Variants in SMARCD3 observed in about 807,000 individuals in gnomAD.
SMARCD3 encodes SWI/SNF related BAF chromatin remodeling complex subunit D3, also known as SWI/SNF-related matrix-associated actin-dependent regulator of chromatin subfamily D member 3.
In SMARCD3, 14 loss-of-function variants were observed where a neutral mutation model predicts 58.0. The observed-to-expected ratio is 0.24, with a 90% CI of 0.16 to 0.38. The LOEUF is 0.38. Among genes scored for constraint, SMARCD3 ranks in the 10% least tolerant of loss-of-function variants. The probability of loss-of-function intolerance (pLI) is 1.00; values close to 1 mark genes in which losing one functional copy is unlikely to be tolerated. For synonymous variants in SMARCD3, 253 were observed against 253.8 expected (o/e 1.00, Z 0.03); for missense variants, 408 against 636.9 (o/e 0.64, Z 3.87).
At chr7:151,249,531 G>T (rs1362067350), upstream of SMARCD3, 1 of 152,194 alleles carries the variant, frequency 6.6e-6, no homozygotes, top group Non-Finnish European at 1.5e-5. The surrounding 1 kb of genome is among the most constrained non-coding windows in gnomAD (Gnocchi z 4.8). Context: ...CAGAAAGAGG[G>T]ACAGGGATTG....
At chr7:151,249,161 C>G (rs952942394), upstream of SMARCD3, among the ~76,000 whole-genome samples, 1 of 151,968 alleles carries the variant, frequency 6.6e-6, no homozygotes, top group East Asian at 1.9e-4. This position sits in a 1 kb window ranked among gnomAD's most constrained non-coding sequence, Gnocchi z 4.8. Context: ...CCTGGCAGGC[C>G]GAGCAGGGAA....
Position 151,245,621 on chromosome 7 carries a change from C to T in SMARCD3, c.129G>A (p.Met43Ile). The T allele has an allele frequency of 8.4e-7, 1 of 1,186,236 alleles. No homozygotes were observed. Among genetic ancestry groups the T allele is most frequent in the Non-Finnish European group, 1.1e-6 (1 of 947,036 alleles). 73.5% of individuals were successfully genotyped at this position (1,186,236 alleles called of 1,614,324 possible). A position where few individuals can be genotyped will look rare whatever the true frequency, so the allele number is the denominator to read the frequency against. Residue 43 changes from methionine to isoleucine, a missense_variant, in exon 2 of 13, where the codon ATG (methionine) becomes ATA (isoleucine). By Grantham distance (10) the Met-to-Ile change is conservative (BLOSUM62 1). Coordinates refer to ENST00000262188, the MANE Select transcript of SMARCD3 (RefSeq NM_001003801.2). The surrounding 1 kb of genome is among the most constrained non-coding windows in gnomAD (Gnocchi z 6.2). Reference sequence around the variant, plus strand: ...CCATGTACGGGGAGCCCGGGGGGCCCATGGGCGCCCCCTGGTGGGGCATCC... The same window carrying T: ...CCATGTACGGGGAGCCCGGGGGGCCTATGGGCGCCCCCTGGTGGGGCATCC... ...GARMPHQGAP[M>I]GPPGSPYMGS...
At chr7:151,259,384 A>C (rs73480561) in intron 2 of SMARCD3, among the ~76,000 whole-genome samples, 4,604 of 122,650 alleles carry the variant, frequency 0.038, 257 homozygotes, top group African/African-American at 0.15. Flanking sequence ...AGCTCCAAAA[A>C]GGTAGGGGCT....
chr7:151,249,154 G>A (rs1803421185), upstream of SMARCD3, among the ~76,000 whole-genome samples: 3 of 152,128 alleles, frequency 2.0e-5, no homozygotes, highest in Admixed American at 2.0e-4. This position sits in a 1 kb window ranked among gnomAD's most constrained non-coding sequence, Gnocchi z 4.8. Flanking sequence ...CCAGAGACCT[G>A]GCAGGCCGAG....
chr7:151,260,947 G>A (rs1026652808), intron 2 of SMARCD3, among the ~76,000 whole-genome samples: 1 of 152,216 alleles, frequency 6.6e-6, no homozygotes, highest in Non-Finnish European at 1.5e-5. Flanking sequence ...GCATCTTGCC[G>A]TCCCCACACA....
In SMARCD3 at chr7:151,240,413, G is replaced by A; in HGVS notation, c.1037+12C>T. 6.2e-7 allele frequency: 1 copy of A among 1,610,118 alleles called. No homozygotes were observed. The highest frequency in any genetic ancestry group is 8.5e-7 in the Non-Finnish European group (1 of 1,176,806). ...ATTCCCTGGTCTGAGAAGCAAGCTG[G>A]GGCCACCTCACCTGATGACATGGTT... On this transcript the variant is annotated intron_variant, in intron 9 of 12. Transcript: ENST00000262188.
At position 151,248,443 on chromosome 7, in the gene SMARCD3, G is replaced by GC. The variant is rs1212002917; in HGVS notation, c.78+41dup. ...CCGATCAGCCCTCCATTCAGCCCGA[G>GC]CCAGCTCGCTTGCCCTCCCCCGCTA... On this transcript the variant is annotated intron_variant, in intron 1 of 12. Coordinates refer to ENST00000262188, the MANE Select transcript of SMARCD3 (RefSeq NM_001003801.2). This position sits in a 1 kb window ranked among gnomAD's most constrained non-coding sequence, Gnocchi z 6.1. 2 of 1,546,016 alleles carry GC rather than the reference G, an allele frequency of 1.3e-6. No homozygotes were observed. Among genetic ancestry groups the GC allele is most frequent in the African/African-American group, 2.7e-5 (2 of 73,512 alleles).
chr7:151,247,946 C>A (rs1320948279), intron 1 of SMARCD3, among the ~76,000 whole-genome samples: 2 of 152,196 alleles, frequency 1.3e-5, no homozygotes. Flanking sequence ...TCCTCTCCCC[C>A]ACCCTAAGGC....
At position 151,243,516 on chromosome 7, in the gene SMARCD3, G is replaced by T; in HGVS notation, c.333+143C>A. 3.0e-6 allele frequency: 2 copies of T among 660,440 alleles called. No homozygotes were observed. Among genetic ancestry groups the T allele is most frequent in the Non-Finnish European group, 5.5e-6 (2 of 364,692 alleles). The allele number at this position is 660,440 out of a possible 1,614,324, so 40.9% of individuals were successfully genotyped here. A position where few individuals can be genotyped will look rare whatever the true frequency, so the allele number is the denominator to read the frequency against. ...CCACCTCACCCCCTCCCTCTGGCCTGCGGAGCCTCACTTATTAATGAGCTT... is the reference window on the plus strand; with the variant it reads ...CCACCTCACCCCCTCCCTCTGGCCTTCGGAGCCTCACTTATTAATGAGCTT... On this transcript the variant is annotated intron_variant, in intron 3 of 12. Coordinates refer to ENST00000262188, the MANE Select transcript of SMARCD3 (RefSeq NM_001003801.2). This position sits in a 1 kb window ranked among gnomAD's most constrained non-coding sequence, Gnocchi z 4.4.
Position 151,241,514 on chromosome 7 carries a change from T to C in SMARCD3, c.917A>G (p.Asn306Ser). 2 of 1,612,534 alleles carry C rather than the reference T, an allele frequency of 1.2e-6. No homozygotes were observed. Among genetic ancestry groups the C allele is most frequent in the Non-Finnish European group, 1.7e-6 (2 of 1,179,404 alleles). Residue 306 changes from asparagine (N) to serine (S), a missense_variant, in exon 8 of 13, where the codon AAT (asparagine) becomes AGT (serine). By Grantham distance (46) the Asn-to-Ser change is conservative. Around this residue, in one of 4 missense-constraint regions of SMARCD3, gnomAD observed 115 missense variants for 257.2 expected, o/e 0.45. Transcript: ENST00000262188. This position sits in a 1 kb window ranked among gnomAD's most constrained non-coding sequence, Gnocchi z 5.3. The stretch of plus-strand genomic sequence containing the variant: ...TACCTGCTGGAAATACTTGTCCCCA[T>C]TGATGTATTCCTTGTCATGGGAGTC... ...LQDSHDKEYI[N>S]GDKYFQQIFD...
At chr7:151,258,408 T>C (rs979847125) in intron 2 of SMARCD3, among the ~76,000 whole-genome samples, 18 of 151,580 alleles carry the variant, frequency 1.2e-4, no homozygotes, top group Non-Finnish European at 2.4e-4. Flanking sequence ...CTACTAAAAA[T>C]ACAAAAATTA....
chr7:151,274,776 T>C (rs1174880131), intron 2 of SMARCD3, among the ~76,000 whole-genome samples: 6 of 152,204 alleles, frequency 3.9e-5, no homozygotes, highest in African/African-American at 1.4e-4. Context: ...AAGTAGAGCA[T>C]GCCAGAGCCC....
Position 151,260,408 on chromosome 7 carries a change from G to A in SMARCD3, c.39+14706C>T, listed in dbSNP as rs1026333283. Reference sequence around the variant, plus strand: ...ATTGGGAATACAAATTCTAGAAAATGTGCTACTACCAAGGTGTCTGAAATA... The same window carrying A: ...ATTGGGAATACAAATTCTAGAAAATATGCTACTACCAAGGTGTCTGAAATA... On this transcript the variant is annotated intron_variant, in intron 2 of 13. Transcript: ENST00000356800. Among the ~76,000 whole-genome samples, 20 of 152,176 alleles carry A rather than the reference G, an allele frequency of 1.3e-4. 1 individual carries two copies.
intron 9 of SMARCD3, 28 bp from the exon 10 acceptor site, chr7:151,240,275 C>T (rs752022844): frequency 2.2e-5 from 34 of 1,559,450 alleles, no homozygotes; most frequent in Non-Finnish European, 2.8e-5. Context: ...CCCTTCGTGT[C>T]CACGATGCCC....
intron 2 of SMARCD3, among the ~76,000 whole-genome samples, chr7:151,271,397 T>C (rs1264787950): frequency 2.6e-5 from 4 of 152,042 alleles, no homozygotes. Context: ...CAAGCCTCTC[T>C]TCAGCTTGAA....
chr7:151,258,542 G>A (rs1249856977), intron 2 of SMARCD3, among the ~76,000 whole-genome samples: 24 of 144,474 alleles, frequency 1.7e-4, no homozygotes, highest in African/African-American at 5.9e-4. Flanking sequence ...TCCAGCCTGG[G>A]CAACAGAGTG....
At chr7:151,259,204 T>C (rs1584888332) in intron 2 of SMARCD3, among the ~76,000 whole-genome samples, 1 of 151,754 alleles carries the variant, frequency 6.6e-6, no homozygotes, top group African/African-American at 2.4e-5. Flanking sequence ...ATACAAAAAT[T>C]AGCTGGGCGT....
rs1277808380 is a variant in SMARCD3, at chr7:151,241,457, G to A, written c.939+35C>T. ...CTTCCCCTGCTGGAGAACTCCGCCT[G>A]CTCCCCAGATCCCAGGGTTCAGGAG... On this transcript the variant is annotated intron_variant, in intron 8 of 12. Transcript: ENST00000262188. The surrounding 1 kb of genome is among the most constrained non-coding windows in gnomAD (Gnocchi z 5.3). The A allele has an allele frequency of 8.8e-6, 14 of 1,591,624 alleles. No homozygotes were observed. Among genetic ancestry groups the A allele is most frequent in the African/African-American group, 1.3e-5 (1 of 74,676 alleles).
chr7:151,252,440 T>TGTGTGAGA (rs139159274), upstream of SMARCD3, among the ~76,000 whole-genome samples: 1 of 149,526 alleles, frequency 6.7e-6, no homozygotes, highest in African/African-American at 2.5e-5. Flanking sequence ...TGTGTGTGTG[T>TGTGTGAGA]GAGAGAGAGA....
Sources: gnomAD v4.1 joint callset for allele counts (sites outside exome capture counted in the v4.1 genomes callset) on GRCh38, gnomAD v4.1.1 for gene constraint, gnomAD v4.1.1 regional missense constraint, Gnocchi (gnomAD v3.1) non-coding constraint, MANE v1.5 for transcripts, NCBI Gene and HGNC (gene_info 2026-07-23, HGNC 2026-07-21) for gene names.